The following GNAS-AS1 variants were observed in gnomAD, a reference collection of about 807,000 sequenced individuals.
GNAS-AS1 encodes the protein GNAS antisense RNA 1.
intron 4 of GNAS-AS1, among the ~76,000 whole-genome samples, chr20:58,831,637 A>C (rs1269632477): frequency 6.6e-6 from 1 of 151,156 alleles, no homozygotes; most frequent in African/African-American, 2.4e-5. Context: ...TCTCAAAAAC[A>C]AAAAAAAACA....
Position 58,840,152 on chromosome 20 carries a change from AAT to A in GNAS-AS1, n.819+1783_819+1784del. The A allele has an allele frequency of 6.2e-7, 1 of 1,611,500 alleles. No individual in the cohort carries two copies. The highest frequency in any genetic ancestry group is 1.7e-5 in the Admixed American group (1 of 60,014). ...TCAGCAGTGGCGCCGAGCTCGCCAT[AAT>A]TACAACGACCTGTGCCCGCCCATAG... On this transcript the variant is annotated intron_variant and non_coding_transcript_variant, in intron 4 of 4. Coordinates refer to ENST00000424094, the Ensembl canonical transcript of GNAS-AS1. The surrounding 1 kb of genome is among the most constrained non-coding windows in gnomAD (Gnocchi z 6.0).
chr20:58,838,674 T>C (rs1257756162), intron 4 of GNAS-AS1: 1 of 217,674 alleles, frequency 4.6e-6, no homozygotes, highest in East Asian at 9.3e-5. Context: ...TCCCAGCACT[T>C]TGGGAGGCCG....
At position 58,840,091 on chromosome 20, in the gene GNAS-AS1, G is replaced by T; in HGVS notation, n.819+1846C>A. 1 of 1,609,710 alleles carries T rather than the reference G, an allele frequency of 6.2e-7. No homozygotes were observed. On this transcript the variant is annotated intron_variant and non_coding_transcript_variant, in intron 4 of 4. Coordinates refer to ENST00000424094, the Ensembl canonical transcript of GNAS-AS1. The surrounding 1 kb of genome is among the most constrained non-coding windows in gnomAD (Gnocchi z 6.0). ...AGCCAGAGGGCAGGCCGGCTTCTCGGTGTGTGCCTAAGAGGATGGATCGGA... is the reference window on the plus strand; with the variant it reads ...AGCCAGAGGGCAGGCCGGCTTCTCGTTGTGTGCCTAAGAGGATGGATCGGA...
intron 4 of GNAS-AS1, among the ~76,000 whole-genome samples, chr20:58,830,342 CCACCACACCACCAT>C (rs2085550818): frequency 7.4e-6 from 1 of 135,806 alleles, no homozygotes; most frequent in Admixed American, 7.2e-5. Context: ...ACCACCATCA[CCACCACACCACCAT>C]CACCACCACC....
intron 4 of GNAS-AS1, chr20:58,839,150 T>G: frequency 2.5e-6 from 1 of 398,552 alleles, no homozygotes; most frequent in Non-Finnish European, 4.4e-6. Context: ...ACTTGCAAAC[T>G]ACTACCTCAA....
chr20:58,822,371 G>A (rs1023187827), intron 4 of GNAS-AS1, among the ~76,000 whole-genome samples: 5 of 152,198 alleles, frequency 3.3e-5, no homozygotes, highest in Non-Finnish European at 5.9e-5. Flanking sequence ...AGGCACAGGG[G>A]TGTGTGTGCT....
intron 4 of GNAS-AS1, among the ~76,000 whole-genome samples, chr20:58,830,006 G>A (rs1466246915): frequency 1.3e-5 from 2 of 152,028 alleles, no homozygotes; most frequent in Admixed American, 1.3e-4. Flanking sequence ...TCCACTAAAA[G>A]AGAACTGGAA....
At chr20:58,827,738 T>C (rs1249886231) in intron 4 of GNAS-AS1, among the ~76,000 whole-genome samples, 2 of 152,198 alleles carry the variant, frequency 1.3e-5, no homozygotes, top group Non-Finnish European at 1.5e-5. Flanking sequence ...ATGAAACACA[T>C]GAAACTATGT....
chr20:58,840,123 G>T lies in GNAS-AS1; in HGVS notation n.819+1814C>A. On this transcript the variant is annotated intron_variant and non_coding_transcript_variant, in intron 4 of 4. Transcript: ENST00000424094. The surrounding 1 kb of genome is among the most constrained non-coding windows in gnomAD (Gnocchi z 6.0). ...CCTAAGAGGATGGATCGGAGGTCCC[G>T]GGCTCAGCAGTGGCGCCGAGCTCGC... 6.2e-7 allele frequency: 1 copy of T among 1,611,362 alleles called. No homozygotes were observed.
intron 4 of GNAS-AS1, among the ~76,000 whole-genome samples, chr20:58,821,486 C>T (rs2085486934): frequency 6.6e-6 from 1 of 152,238 alleles, no homozygotes; most frequent in Non-Finnish European, 1.5e-5. Flanking sequence ...CTGTGCGTAC[C>T]TCAGTTTTCC....
At chr20:58,826,275 C>A in intron 4 of GNAS-AS1, 1 of 391,808 alleles carries the variant, frequency 2.6e-6, no homozygotes, top group African/African-American at 2.1e-5. Context: ...CTACTATTAA[C>A]AACACTGCTG....
At chr20:58,829,168 G>C (rs1294186295) in intron 4 of GNAS-AS1, among the ~76,000 whole-genome samples, 1 of 152,188 alleles carries the variant, frequency 6.6e-6, no homozygotes, top group Non-Finnish European at 1.5e-5. Flanking sequence ...CTTCCATCTA[G>C]TTCTACCTGG....
chr20:58,828,100 C>T (rs1291787814), intron 4 of GNAS-AS1, among the ~76,000 whole-genome samples: 2 of 152,196 alleles, frequency 1.3e-5, no homozygotes, highest in South Asian at 4.1e-4. Flanking sequence ...ATAACTGGTG[C>T]TTTTGGAACA....
chr20:58,839,596 T>A (rs2085647299), intron 4 of GNAS-AS1: 1 of 409,890 alleles, frequency 2.4e-6, no homozygotes. Flanking sequence ...GGTTCCCTCC[T>A]GCCACCTGCC....
At chr20:58,821,506 G>T (rs1393102388) in intron 4 of GNAS-AS1, among the ~76,000 whole-genome samples, 1 of 152,184 alleles carries the variant, frequency 6.6e-6, no homozygotes, top group African/African-American at 2.4e-5. Context: ...CCATATGTTT[G>T]CTATGAAGAG....
At chr20:58,846,234 GGAATAA>G (rs2085935726) in intron 2 of GNAS-AS1, among the ~76,000 whole-genome samples, 1 of 152,172 alleles carries the variant, frequency 6.6e-6, no homozygotes, top group Non-Finnish European at 1.5e-5. Flanking sequence ...GTCGTTTGAA[GGAATAA>G]AGAGAGTCTT....
intron 4 of GNAS-AS1, among the ~76,000 whole-genome samples, chr20:58,829,747 T>C (rs2085541982): frequency 6.6e-6 from 1 of 152,150 alleles, no homozygotes; most frequent in African/African-American, 2.4e-5. Flanking sequence ...CTTGCCCAAA[T>C]ATAGGGTGGC....
Position 58,840,233 on chromosome 20 carries a change from C to T in GNAS-AS1, n.819+1704G>A, listed in dbSNP as rs1273364707. Reference sequence around the variant, plus strand: ...GCTCTCCTGCTCCATCGCGCTCCTCCGCGCCCTTGCCACCTCCAACGCCCG... The same window carrying T: ...GCTCTCCTGCTCCATCGCGCTCCTCTGCGCCCTTGCCACCTCCAACGCCCG... On this transcript the variant is annotated intron_variant and non_coding_transcript_variant, in intron 4 of 4. Transcript: ENST00000424094. The surrounding 1 kb of genome is among the most constrained non-coding windows in gnomAD (Gnocchi z 6.0). The T allele has an allele frequency of 1.2e-6, 2 of 1,611,036 alleles. No homozygotes were observed. Among genetic ancestry groups the T allele is most frequent in the Admixed American group, 3.3e-5 (2 of 60,002 alleles).
At chr20:58,842,267 T>A in intron 3 of GNAS-AS1, 1 of 398,280 alleles carries the variant, frequency 2.5e-6, no homozygotes, top group Non-Finnish European at 4.4e-6. Flanking sequence ...CTCATCCGAC[T>A]TGGAAATTGA....
Sources: gnomAD v4.1 joint callset for allele counts (sites outside exome capture counted in the v4.1 genomes callset) on GRCh38, gnomAD v4.1.1 for gene constraint, Gnocchi (gnomAD v3.1) non-coding constraint, MANE v1.5 for transcripts, NCBI Gene and HGNC (gene_info 2026-07-23, HGNC 2026-07-21) for gene names.